The following SUPT3H variants were observed in gnomAD, a reference collection of about 807,000 sequenced individuals.
SUPT3H encodes transcription initiation protein SPT3 homolog.
SUPT3H carries 44 observed loss-of-function variants against 44.3 expected under a neutral mutation model. That is an observed-to-expected ratio of 0.99 (90% CI 0.78 to 1.28). The LOEUF (loss-of-function observed/expected upper bound fraction) is 1.28, where lower values mean the gene tolerates loss of function less well. SUPT3H is among the 50% of genes most tolerant of loss of function. SUPT3H has a pLI of 0.00. For missense variants in SUPT3H, 380 were observed against 387.1 expected (o/e 0.98, Z 0.15); for synonymous variants, 124 against 125.6 (o/e 0.99, Z 0.09).
chr6:44,886,790 A>G (rs200648602), intron 10 of SUPT3H, among the ~76,000 whole-genome samples: 10 of 152,270 alleles, frequency 6.6e-5, no homozygotes, highest in African/African-American at 9.6e-5. Flanking sequence ...ATGTAAATGG[A>G]CTAAATGCTC....
chr6:44,846,681 G>A (rs1459686228), intron 10 of SUPT3H, among the ~76,000 whole-genome samples: 2 of 151,818 alleles, frequency 1.3e-5, no homozygotes, highest in African/African-American at 4.8e-5. Context: ...GCTCAGGCTG[G>A]AGTGCAGTGG....
chr6:45,107,812 T>C (rs1359719870), intron 2 of SUPT3H, among the ~76,000 whole-genome samples: 2 of 152,146 alleles, frequency 1.3e-5, no homozygotes, highest in Non-Finnish European at 2.9e-5. Flanking sequence ...ACCAACAAAC[T>C]GCAGAATCAG....
At chr6:45,254,076 TTA>T (rs1320387583) in intron 2 of SUPT3H, among the ~76,000 whole-genome samples, 1 of 151,930 alleles carries the variant, frequency 6.6e-6, no homozygotes, top group Non-Finnish European at 1.5e-5. Context: ...TTTTATATCT[TTA>T]AATGAGTATT....
At chr6:45,374,365 T>A (rs1293771909) in intron 1 of SUPT3H, among the ~76,000 whole-genome samples, 1 of 152,178 alleles carries the variant, frequency 6.6e-6, no homozygotes, top group Admixed American at 6.6e-5. Flanking sequence ...AATTAACCTC[T>A]TATGAACCTA....
At chr6:45,020,331 T>C (rs2153517629) in intron 4 of SUPT3H, among the ~76,000 whole-genome samples, 1 of 152,144 alleles carries the variant, frequency 6.6e-6, no homozygotes, top group South Asian at 2.1e-4. Context: ...GAGGGTTCGC[T>C]GTTAGCACAG....
intron 2 of SUPT3H, among the ~76,000 whole-genome samples, chr6:45,181,008 A>C (rs1190371129): frequency 3.3e-5 from 5 of 151,626 alleles, no homozygotes; most frequent in South Asian, 4.2e-4. Context: ...CAATGAACTC[A>C]AACAAATTTA....
chr6:45,357,919 A>C (rs1220241566), intron 2 of SUPT3H, among the ~76,000 whole-genome samples: 1 of 152,136 alleles, frequency 6.6e-6, no homozygotes, highest in African/African-American at 2.4e-5. Flanking sequence ...ATACATTCAC[A>C]AAAGAACATT....
chr6:45,175,800 A>T (rs1196596644), intron 2 of SUPT3H, among the ~76,000 whole-genome samples: 1 of 152,208 alleles, frequency 6.6e-6, no homozygotes, highest in East Asian at 1.9e-4. Context: ...TTATACTAAA[A>T]ATAAGCTTAT....
chr6:45,313,433 C>A (rs1423684508), intron 2 of SUPT3H, among the ~76,000 whole-genome samples: 1 of 151,950 alleles, frequency 6.6e-6, no homozygotes, highest in African/African-American at 2.4e-5. Flanking sequence ...ATCCAAATAA[C>A]CTCACTGAGA....
At chr6:45,155,659 A>ATGAAGGATGGGGAGTTAGGTAAAAGAGG (rs1807699260) in intron 2 of SUPT3H, among the ~76,000 whole-genome samples, 1 of 151,972 alleles carries the variant, frequency 6.6e-6, no homozygotes, top group African/African-American at 2.4e-5. Context: ...CCTAAAAGAG[A>ATGAAGGATGGGGAGTTAGGTAAAAGAGG]GCATGAAGGA....
chr6:45,235,508 A>C (rs149663451), intron 2 of SUPT3H, among the ~76,000 whole-genome samples: 14 of 149,590 alleles, frequency 9.4e-5, no homozygotes, highest in African/African-American at 3.6e-4. Context: ...GGATATATAC[A>C]TGTGTGTGTG....
At chr6:45,207,959 C>T (rs192185787) in intron 2 of SUPT3H, among the ~76,000 whole-genome samples, 2,658 of 152,188 alleles carry the variant, frequency 0.017, 50 homozygotes, top group South Asian at 0.084. Context: ...AAATAAAAAG[C>T]TAGAAAGAAT....
intron 9 of SUPT3H, among the ~76,000 whole-genome samples, chr6:44,946,965 C>T (rs565952546): frequency 3.3e-5 from 5 of 152,286 alleles, no homozygotes; most frequent in African/African-American, 1.2e-4. Flanking sequence ...GATATTGCCA[C>T]AGCTACCCCA....
At chr6:44,928,013 T>C (rs983097646) in intron 10 of SUPT3H, among the ~76,000 whole-genome samples, 15 of 152,214 alleles carry the variant, frequency 9.9e-5, no homozygotes, top group African/African-American at 3.6e-4. Context: ...GCTTAGTTCT[T>C]ACAGTACTTC....
chr6:44,815,373 TATAGTC>T (rs2153403896), intron 11 of SUPT3H, among the ~76,000 whole-genome samples: 1 of 152,310 alleles, frequency 6.6e-6, no homozygotes, highest in Non-Finnish European at 1.5e-5. Context: ...TTACATTAGA[TATAGTC>T]TAAAGAGTGG....
chr6:45,067,906 G>T (rs1192693256), intron 3 of SUPT3H, among the ~76,000 whole-genome samples: 1 of 144,906 alleles, frequency 6.9e-6, no homozygotes, highest in East Asian at 2.0e-4. Context: ...TCAGTGTGGC[G>T]ATTCCTCAGG....
At chr6:45,318,524 T>C (rs1009636377) in intron 2 of SUPT3H, among the ~76,000 whole-genome samples, 1 of 152,102 alleles carries the variant, frequency 6.6e-6, no homozygotes, top group Non-Finnish European at 1.5e-5. Context: ...GGCAGGAAGG[T>C]GAGAGCTTAT....
intron 2 of SUPT3H, among the ~76,000 whole-genome samples, chr6:45,226,271 C>T (rs750876801): frequency 1.3e-5 from 2 of 151,982 alleles, no homozygotes; most frequent in Non-Finnish European, 2.9e-5. Context: ...CTTTCTGCCA[C>T]CAGGGGATGT....
chr6:44,902,540 C>G (rs472673), intron 10 of SUPT3H, among the ~76,000 whole-genome samples: 3 of 151,788 alleles, frequency 2.0e-5, no homozygotes, highest in East Asian at 1.9e-4. Flanking sequence ...AGCAAGTCCT[C>G]AGAGACCTAC....
Sources: allele counts gnomAD v4.1 joint callset (sites outside exome capture counted in the v4.1 genomes callset), GRCh38; gene constraint gnomAD v4.1.1; transcripts MANE v1.5; gene names NCBI Gene and HGNC (gene_info 2026-07-23, HGNC 2026-07-21).